Variants in PTPRM observed in about 807,000 individuals in gnomAD.
PTPRM encodes the protein receptor-type tyrosine-protein phosphatase mu.
Under a neutral mutation model 186.7 loss-of-function variants are expected in PTPRM, and 47 were observed. The observed-to-expected ratio is 0.25, with a 90% CI of 0.20 to 0.32. The LOEUF is 0.32. PTPRM is among the 10% of genes least tolerant of loss of function. The pLI, the probability that PTPRM is intolerant of heterozygous loss-of-function variation, is 1.00. For synonymous variants in PTPRM, 668 were observed against 674.9 expected (o/e 0.99, Z 0.16); for missense variants, 1,494 against 1,865.0 (o/e 0.80, Z 3.66).
At chr18:8,259,709 G>A (rs560003043) in intron 19 of PTPRM, among the ~76,000 whole-genome samples, 6 of 151,950 alleles carry the variant, frequency 3.9e-5, no homozygotes, top group South Asian at 2.1e-4. Context: ...GTGCAGTGGT[G>A]CCATCTCAGT....
chr18:8,382,240 TA>T (rs1351041015), intron 29 of PTPRM, among the ~76,000 whole-genome samples: 1 of 152,210 alleles, frequency 6.6e-6, no homozygotes, highest in African/African-American at 2.4e-5. Flanking sequence ...CTACATGGTT[TA>T]CTTGGGCAGA....
chr18:8,205,338 T>G (rs2093913359), intron 14 of PTPRM, among the ~76,000 whole-genome samples: 1 of 152,190 alleles, frequency 6.6e-6, no homozygotes, highest in African/African-American at 2.4e-5. Flanking sequence ...CAAACATCCC[T>G]ATTATCCCTA....
At chr18:8,186,047 AAG>A (rs1293567275) in intron 14 of PTPRM, among the ~76,000 whole-genome samples, 3 of 152,320 alleles carry the variant, frequency 2.0e-5, no homozygotes, top group Middle Eastern at 3.4e-3. Flanking sequence ...CATTTGTAAA[AAG>A]AGAGATACAC....
chr18:7,788,639 A>G (rs888432778), intron 2 of PTPRM, among the ~76,000 whole-genome samples: 4 of 152,206 alleles, frequency 2.6e-5, no homozygotes, highest in Non-Finnish European at 4.4e-5. Context: ...ACATGTTTTG[A>G]AAGACTTGAA....
chr18:7,646,322 A>G (rs1450883346), intron 1 of PTPRM, among the ~76,000 whole-genome samples: 1 of 152,170 alleles, frequency 6.6e-6, no homozygotes, highest in African/African-American at 2.4e-5. Context: ...CCCCAGGTCC[A>G]GCCTTTGGGC....
intron 1 of PTPRM, among the ~76,000 whole-genome samples, chr18:7,649,986 G>A (rs1257176603): frequency 1.3e-5 from 2 of 152,042 alleles, no homozygotes; most frequent in Non-Finnish European, 2.9e-5. Flanking sequence ...ATACAGTATA[G>A]TGTAAACATA....
intron 23 of PTPRM, among the ~76,000 whole-genome samples, chr18:8,355,069 C>T (rs912101599): frequency 1.3e-5 from 2 of 152,102 alleles, no homozygotes; most frequent in African/African-American, 4.8e-5. Context: ...AAGGGGATGC[C>T]TTCAGTTCAT....
chr18:7,966,817 T>C lies in PTPRM; in HGVS notation c.1132+11403T>C, dbSNP rs1286325438. 4.7e-5 allele frequency among the ~76,000 whole-genome samples: 6 copies of C among 127,630 alleles called. No homozygotes were observed. In the East Asian group the frequency reaches 1.1e-3, roughly 22 times the overall value. 83.7% of individuals were successfully genotyped at this position (127,630 alleles called of 152,430 possible). On this transcript the variant is annotated intron_variant, in intron 7 of 32. Transcript: ENST00000580170. ...CTCGGAGGGTCCTACGCCCACGGAG[T>C]CTCGCTGATTGCCAGCACAGCAGTC... is the stretch of plus-strand genomic sequence containing the variant.
At chr18:8,000,295 G>A (rs1428300603) in intron 7 of PTPRM, among the ~76,000 whole-genome samples, 1 of 152,202 alleles carries the variant, frequency 6.6e-6, no homozygotes, top group African/African-American at 2.4e-5. Flanking sequence ...AGTTGAATAT[G>A]ATGCTTTATT....
At chr18:8,322,579 C>G (rs2095352411) in intron 22 of PTPRM, among the ~76,000 whole-genome samples, 1 of 152,166 alleles carries the variant, frequency 6.6e-6, no homozygotes, top group African/African-American at 2.4e-5. Context: ...TACTGCATGT[C>G]TCTGTATGTA....
chr18:7,796,416 G>A lies in PTPRM; in HGVS notation c.196+22145G>A, dbSNP rs115011150. ...TTACCATGCAAACTTAGACCACATG[G>A]TTCAAAAAGTGTGGGCAGGAGGGCA... On this transcript the variant is annotated intron_variant, in intron 2 of 32. Coordinates refer to ENST00000580170, the MANE Select transcript of PTPRM (RefSeq NM_001105244.2). 1.6e-3 allele frequency among the ~76,000 whole-genome samples: 242 copies of A among 152,298 alleles called. 1 individual carries two copies. The highest frequency in any genetic ancestry group is 5.7e-3 in the African/African-American group (236 of 41,560).
rs565595644 is a variant in PTPRM, at chr18:8,365,567, T to A, written c.3055-5323T>A. Reference sequence around the variant, plus strand: ...TTGAATCCCCTTCCCCAAAACCACCTATTGTGTTGGGAGTTAATCAAACCA... The same window carrying A: ...TTGAATCCCCTTCCCCAAAACCACCAATTGTGTTGGGAGTTAATCAAACCA... On this transcript the variant is annotated intron_variant, in intron 23 of 32. Transcript: ENST00000580170. 3.3e-5 allele frequency among the ~76,000 whole-genome samples: 5 copies of A among 152,358 alleles called. No individual in the cohort carries two copies. In the South Asian group the frequency reaches 1.0e-3, roughly 32 times the overall value.
At chr18:8,289,749 A>G (rs758945787) in intron 19 of PTPRM, among the ~76,000 whole-genome samples, 14 of 151,956 alleles carry the variant, frequency 9.2e-5, no homozygotes, top group African/African-American at 1.9e-4. Flanking sequence ...GCTGCTCTGA[A>G]TCCTGCAAAA....
intron 19 of PTPRM, among the ~76,000 whole-genome samples, chr18:8,276,468 G>C (rs2094836658): frequency 1.3e-5 from 2 of 152,166 alleles, no homozygotes; most frequent in South Asian, 4.1e-4. Flanking sequence ...GTACCAGGTA[G>C]TGGACTTCCT....
intron 2 of PTPRM, among the ~76,000 whole-genome samples, chr18:7,874,326 T>G (rs1174347451): frequency 2.0e-5 from 3 of 152,144 alleles, no homozygotes; most frequent in Non-Finnish European, 4.4e-5. Context: ...AATGAAAAGT[T>G]AAAATGGGGA....
chr18:7,914,270 C>G (rs1435661018), intron 4 of PTPRM, among the ~76,000 whole-genome samples: 1 of 152,110 alleles, frequency 6.6e-6, no homozygotes, highest in Non-Finnish European at 1.5e-5. Flanking sequence ...TATCATTCTT[C>G]TTAAGATAGA....
intron 1 of PTPRM, among the ~76,000 whole-genome samples, chr18:7,623,535 A>G (rs1423826438): frequency 6.6e-6 from 1 of 152,138 alleles, no homozygotes; most frequent in Non-Finnish European, 1.5e-5. Context: ...CATGCTTTGA[A>G]ATAGTCTTAG....
chr18:8,247,154 T>C (rs982858373), intron 15 of PTPRM, among the ~76,000 whole-genome samples: 2 of 152,220 alleles, frequency 1.3e-5, no homozygotes, highest in African/African-American at 4.8e-5. Context: ...CTGTCATCCA[T>C]GAAGAGCGTT....
intron 20 of PTPRM, 100 bp downstream of exon 20, chr18:8,296,555 A>T: frequency 2.5e-6 from 2 of 803,216 alleles, no homozygotes; most frequent in Non-Finnish European, 4.2e-6. Context: ...CAGTGCAATT[A>T]CCTCCTTCAT....
Sources: allele counts gnomAD v4.1 joint callset (sites outside exome capture counted in the v4.1 genomes callset), GRCh38; gene constraint gnomAD v4.1.1; transcripts MANE v1.5; gene names NCBI Gene and HGNC (gene_info 2026-07-23, HGNC 2026-07-21).